ASCC3: variants seen among roughly 807,000 people sequenced by gnomAD.
ASCC3 encodes ASC-1 complex subunit P200.
ASCC3 carries 158 observed loss-of-function variants against 256.3 expected under a neutral mutation model. That is an observed-to-expected ratio of 0.62 (90% CI 0.54 to 0.70). The LOEUF is 0.70. Among genes scored for constraint, ASCC3 ranks in the 30% least tolerant of loss-of-function variants. The pLI is 0.00. For synonymous variants in ASCC3, 948 were observed against 883.4 expected (o/e 1.07, Z -1.30); for missense variants, 2,259 against 2,626.0 (o/e 0.86, Z 3.05).
At chr6:100,764,772 C>A (rs1483356705) in intron 10 of ASCC3, among the ~76,000 whole-genome samples, 1 of 152,142 alleles carries the variant, frequency 6.6e-6, no homozygotes, top group Non-Finnish European at 1.5e-5. Flanking sequence ...CTCCCAAAGG[C>A]CTCACCTCCA....
chr6:100,631,048 C>G, intron 26 of ASCC3, 80 bp downstream of exon 26: 1 of 997,978 alleles, frequency 1.0e-6, no homozygotes, highest in Admixed American at 2.0e-5. Context: ...TAAAACCATT[C>G]AACAGTTTTA....
At chr6:100,573,571 C>A (rs774356998) in intron 36 of ASCC3, among the ~76,000 whole-genome samples, 1 of 151,948 alleles carries the variant, frequency 6.6e-6, no homozygotes, top group South Asian at 2.1e-4. Flanking sequence ...ACTTACTCAA[C>A]GTAGAGTGAG....
At chr6:100,669,237 TTTTTC>T (rs1776621372) in intron 14 of ASCC3, among the ~76,000 whole-genome samples, 2 of 149,510 alleles carry the variant, frequency 1.3e-5, no homozygotes, top group Non-Finnish European at 3.0e-5. Flanking sequence ...AAGAAATATA[TTTTTC>T]TTTTCTTTCA....
intron 36 of ASCC3, among the ~76,000 whole-genome samples, chr6:100,542,934 A>G (rs1582418706): frequency 6.6e-6 from 1 of 152,266 alleles, no homozygotes; most frequent in East Asian, 1.9e-4. Context: ...ATAATTTGTT[A>G]TTACTATTTT....
At chr6:100,840,907 C>A (rs1192361710) in intron 4 of ASCC3, among the ~76,000 whole-genome samples, 8 of 148,306 alleles carry the variant, frequency 5.4e-5, no homozygotes, top group African/African-American at 2.0e-4. Context: ...GAATGGGTGG[C>A]AATAAAAATT....
At chr6:100,738,918 T>C (rs2115065061) in intron 10 of ASCC3, among the ~76,000 whole-genome samples, 1 of 152,310 alleles carries the variant, frequency 6.6e-6, no homozygotes, top group East Asian at 1.9e-4. Flanking sequence ...TCTTCCTATA[T>C]GAATACCCTT....
At chr6:100,796,576 G>A (rs1769627176) in intron 8 of ASCC3, among the ~76,000 whole-genome samples, 2 of 152,066 alleles carry the variant, frequency 1.3e-5, no homozygotes, top group African/African-American at 4.8e-5. Context: ...GAAAAAAGAG[G>A]AAGAAACACC....
intron 13 of ASCC3, among the ~76,000 whole-genome samples, chr6:100,704,049 A>AT (rs35170339): frequency 0.029 from 4,340 of 148,344 alleles, 177 homozygotes; most frequent in East Asian, 0.19. Context: ...ACCAAGAAGT[A>AT]TTTTTTTTTT....
At chr6:100,644,160 C>T in intron 22 of ASCC3, 31 bp from the exon 23 acceptor site, 2 of 1,408,446 alleles carry the variant, frequency 1.4e-6, no homozygotes, top group Non-Finnish European at 2.0e-6. Context: ...TGCTACTATG[C>T]ATATCATAAC....
At chr6:100,527,832 TG>T (rs1411544603) in intron 37 of ASCC3, among the ~76,000 whole-genome samples, 1 of 151,870 alleles carries the variant, frequency 6.6e-6, no homozygotes, top group East Asian at 1.9e-4. Flanking sequence ...ACATCTTCTT[TG>T]TTTTTTTTTT....
intron 1 of ASCC3, among the ~76,000 whole-genome samples, chr6:100,876,574 A>C (rs1030661022): frequency 6.6e-6 from 1 of 152,200 alleles, no homozygotes; most frequent in Non-Finnish European, 1.5e-5. Flanking sequence ...GGAGGTCTTA[A>C]AGATGAATCA....
At chr6:100,582,967 T>A (rs1348602763) in intron 36 of ASCC3, among the ~76,000 whole-genome samples, 1 of 152,198 alleles carries the variant, frequency 6.6e-6, no homozygotes, top group Admixed American at 6.5e-5. Flanking sequence ...AGCTTTTTGA[T>A]GTGCTGCTGG....
At chr6:100,818,517 A>G (rs1295557739) in intron 4 of ASCC3, among the ~76,000 whole-genome samples, 1 of 149,544 alleles carries the variant, frequency 6.7e-6, no homozygotes, top group Non-Finnish European at 1.5e-5. Context: ...GGTTGCCGAG[A>G]GCCAAGATCA....
chr6:100,622,349 T>C (rs1402059262), intron 30 of ASCC3, among the ~76,000 whole-genome samples: 2 of 152,132 alleles, frequency 1.3e-5, no homozygotes, highest in Non-Finnish European at 2.9e-5. Flanking sequence ...TCTCACAAGA[T>C]CTGATCGTTT....
chr6:100,633,241 G>C (rs576477449), intron 25 of ASCC3, among the ~76,000 whole-genome samples: 3 of 152,036 alleles, frequency 2.0e-5, no homozygotes, highest in Non-Finnish European at 4.4e-5. Context: ...ATTCAGCCTG[G>C]AACATGAATC....
At chr6:100,824,137 A>C (rs574112031) in intron 4 of ASCC3, among the ~76,000 whole-genome samples, 29 of 152,210 alleles carry the variant, frequency 1.9e-4, no homozygotes, top group Admixed American at 6.5e-4. Flanking sequence ...GACAAACCTA[A>C]TTAGATTATG....
At position 100,718,241 on chromosome 6, in the gene ASCC3, G is replaced by A; in HGVS notation, c.1913C>T (p.Thr638Ile). Reference sequence around the variant, plus strand: ...TCCGAGAATCCTTATCATACTCTGTGTGGATTCCACCTATATGGATTATTT... The same window carrying A: ...TCCGAGAATCCTTATCATACTCTGTATGGATTCCACCTATATGGATTATTT... Reference protein sequence around the residue: ...VARTLRQVESTQSMIRILGLS... With the variant: ...VARTLRQVESIQSMIRILGLS... Residue 638 changes from threonine to isoleucine, a missense_variant, in exon 12 of 42, where the codon ACA (threonine) becomes ATA (isoleucine). Thr to Ile is a moderately conservative substitution (Grantham distance 89). Transcript: ENST00000369162. 2 of 1,608,572 alleles carry A rather than the reference G, an allele frequency of 1.2e-6. No homozygotes were observed. Among genetic ancestry groups the A allele is most frequent in the Non-Finnish European group, 1.7e-6 (2 of 1,176,096 alleles).
rs574666447 is a variant in ASCC3, at chr6:100,783,860, T to C, written c.1395+14853A>G. ...ATTTTTACTGAGCACGTACTACATA[T>C]GAGGTTTTGTTTTAAATGCTTTAAG... is the stretch of plus-strand genomic sequence containing the variant. On this transcript the variant is annotated intron_variant, in intron 8 of 41. Coordinates refer to ENST00000369162, the MANE Select transcript of ASCC3 (RefSeq NM_006828.4). Among the ~76,000 whole-genome samples, 212 of 152,304 alleles carry C rather than the reference T, an allele frequency of 1.4e-3. 1 individual carries two copies. The highest frequency in any genetic ancestry group is 3.0e-3 in the Admixed American group (46 of 15,288).
intron 10 of ASCC3, among the ~76,000 whole-genome samples, chr6:100,759,643 T>G (rs1216440850): frequency 1.2e-4 from 19 of 152,240 alleles, no homozygotes; most frequent in Admixed American, 1.2e-3. Context: ...ATCCAGGGTC[T>G]TCTTTGATTC....
Sources: allele counts gnomAD v4.1 joint callset (sites outside exome capture counted in the v4.1 genomes callset), GRCh38; gene constraint gnomAD v4.1.1; transcripts MANE v1.5; gene names NCBI Gene and HGNC (gene_info 2026-07-23, HGNC 2026-07-21).